DIAPH2: variants seen among roughly 807,000 people sequenced by gnomAD.
DIAPH2 encodes the protein diaphanous related formin 2.
A neutral mutation model predicts 92.7 loss-of-function variants in DIAPH2; 35 were observed. The observed-to-expected ratio is 0.38, with a 90% CI of 0.29 to 0.50. The LOEUF (loss-of-function observed/expected upper bound fraction) is 0.50, where lower values mean the gene tolerates loss of function less well. Ranked by LOEUF, DIAPH2 falls within the 20% of genes least tolerant of loss-of-function variation. The pLI is 0.94. For missense variants in DIAPH2, 701 were observed against 819.5 expected, an observed-to-expected ratio of 0.86 and a Z score of 1.77; for synonymous variants, 301 against 280.4, an observed-to-expected ratio of 1.07 and a Z score of -0.73.
intron 17 of DIAPH2, among the ~76,000 whole-genome samples, chrX:97,047,486 A>T (rs2066491671): frequency 9.8e-6 from 1 of 101,806 alleles, no homozygotes; most frequent in Non-Finnish European, 1.9e-5. Flanking sequence ...TATAATTATA[A>T]TCTGTGTTAA....
intron 16 of DIAPH2, among the ~76,000 whole-genome samples, chrX:96,963,683 C>T (rs142390923): frequency 2.8e-3 from 311 of 111,106 alleles, no homozygotes; most frequent in Middle Eastern, 0.018. Context: ...CCTGGATTCC[C>T]GCTCCTTCCG....
At chrX:97,278,843 G>C (rs2068473097) in intron 23 of DIAPH2, among the ~76,000 whole-genome samples, 1 of 112,194 alleles carries the variant, frequency 8.9e-6, no homozygotes, top group Non-Finnish European at 1.9e-5. Context: ...TGCACCACTG[G>C]TTCTTCCAAC....
intron 25 of DIAPH2, among the ~76,000 whole-genome samples, chrX:97,395,618 AT>A (rs983314152): frequency 6.5e-5 from 7 of 107,788 alleles, no homozygotes; most frequent in Admixed American, 1.0e-4. Context: ...ATCACTAGTA[AT>A]TTTTTTTTTC....
chrX:97,538,351 A>G (rs897927595), intron 26 of DIAPH2, among the ~76,000 whole-genome samples: 1 of 111,741 alleles, frequency 8.9e-6, no homozygotes, highest in African/African-American at 3.2e-5. Flanking sequence ...TTTTATTTCT[A>G]TCATTTCTAT....
At chrX:96,917,648 CTATA>C (rs2147783939) in intron 8 of DIAPH2, among the ~76,000 whole-genome samples, 1 of 110,931 alleles carries the variant, frequency 9.0e-6, no homozygotes, top group Non-Finnish European at 1.9e-5. Flanking sequence ...GAGTAGTATA[CTATA>C]TAGAGATTAA....
At chrX:96,981,079 G>C (rs955137412) in intron 17 of DIAPH2, among the ~76,000 whole-genome samples, 3 of 109,179 alleles carry the variant, frequency 2.7e-5, no homozygotes, top group Non-Finnish European at 5.7e-5. Context: ...AGACTGAGGT[G>C]GAAAAATCAC....
At chrX:96,968,003 C>T (rs1239473150) in intron 17 of DIAPH2, among the ~76,000 whole-genome samples, 1 of 110,287 alleles carries the variant, frequency 9.1e-6, no homozygotes, top group African/African-American at 3.3e-5. Flanking sequence ...AACTAATTTA[C>T]ATTCTTACCA....
chrX:97,016,187 C>T lies in DIAPH2; in HGVS notation c.2050+50980C>T, dbSNP rs190790480. Among the ~76,000 whole-genome samples, 668 of 112,038 alleles carry T rather than the reference C, an allele frequency of 6.0e-3. 7 individuals carry two copies. Among genetic ancestry groups the T allele is most frequent in the African/African-American group, 0.02 (632 of 30,855 alleles). On this transcript the variant is annotated intron_variant, in intron 17 of 26. Transcript: ENST00000324765. ...GGCAGTTCACCAAGTGTGAGATCGA[C>T]ATTTAATGTTTTCATGAAATGCAAA... is the stretch of plus-strand genomic sequence containing the variant.
chrX:97,472,563 A>T (rs2147810496), intron 26 of DIAPH2, among the ~76,000 whole-genome samples: 1 of 112,396 alleles, frequency 8.9e-6, no homozygotes, highest in South Asian at 3.7e-4. Context: ...TTGCATTTGG[A>T]TTCCCTTTAT....
At chrX:97,570,089 TATATATATATATATA>T in intron 26 of DIAPH2, among the ~76,000 whole-genome samples, 1 of 28,101 alleles carries the variant, frequency 3.6e-5, no homozygotes, top group Non-Finnish European at 6.7e-5. Context: ...TATATATATA[TATATATATATATATA>T]TATATATATA....
At chrX:97,159,052 C>G (rs1251951505) in intron 22 of DIAPH2, among the ~76,000 whole-genome samples, 1 of 112,361 alleles carries the variant, frequency 8.9e-6, no homozygotes, top group Non-Finnish European at 1.9e-5. Flanking sequence ...ATGTACTGAG[C>G]TATTCACAGC....
At chrX:97,323,880 G>A (rs993556932) in intron 23 of DIAPH2, among the ~76,000 whole-genome samples, 1 of 98,024 alleles carries the variant, frequency 1.0e-5, no homozygotes, top group Non-Finnish European at 2.0e-5. Flanking sequence ...CCCAGCCTGG[G>A]CAACAGGAGC....
chrX:96,964,259 A>G (rs2065881575), intron 16 of DIAPH2, among the ~76,000 whole-genome samples: 1 of 112,161 alleles, frequency 8.9e-6, no homozygotes, highest in East Asian at 2.8e-4. Flanking sequence ...TCATAAGAGT[A>G]AACTTGGAGT....
At chrX:97,214,699 C>T (rs903433433) in intron 22 of DIAPH2, among the ~76,000 whole-genome samples, 3 of 108,001 alleles carry the variant, frequency 2.8e-5, no homozygotes, top group African/African-American at 1.0e-4. Context: ...GGCAGGGTTG[C>T]GCATGCCTGT....
At chrX:96,869,434 C>T (rs749505615) in intron 4 of DIAPH2, among the ~76,000 whole-genome samples, 123 of 110,113 alleles carry the variant, frequency 1.1e-3, no homozygotes, top group Middle Eastern at 4.7e-3. Context: ...TGGTGGCGCA[C>T]GCCTGGAGTC....
At position 97,322,991 on chromosome X, in the gene DIAPH2, C is replaced by T. The variant is rs762369872; in HGVS notation, c.2845-25125C>T. Among the ~76,000 whole-genome samples the T allele has an allele frequency of 5.1e-4, 53 of 103,893 alleles. No homozygotes were observed. In the Middle Eastern group the frequency reaches 0.025, roughly 49 times the overall value. The allele number at this position is 103,893 out of a possible 115,157, so 90.2% of individuals were successfully genotyped here. On this transcript the variant is annotated intron_variant, in intron 23 of 26. Transcript: ENST00000324765. ...CTCAATCTCGGCTCACTTCAACCTC[C>T]GCCTCCCAGGTTCAAATGATTCTCC...
intron 17 of DIAPH2, among the ~76,000 whole-genome samples, chrX:97,018,996 T>G (rs778421567): frequency 4.5e-5 from 5 of 111,926 alleles, no homozygotes; most frequent in Non-Finnish European, 9.4e-5. Context: ...ATTCTTTCAC[T>G]GAGCTTCTGC....
At chrX:97,089,459 C>G (rs2066806988) in intron 19 of DIAPH2, among the ~76,000 whole-genome samples, 1 of 111,653 alleles carries the variant, frequency 9.0e-6, no homozygotes, top group Non-Finnish European at 1.9e-5. Flanking sequence ...TAGAGTGGGA[C>G]TACATCTGAA....
At chrX:96,966,850 G>T (rs1374176951) in intron 17 of DIAPH2, among the ~76,000 whole-genome samples, 1 of 111,694 alleles carries the variant, frequency 9.0e-6, no homozygotes, top group East Asian at 2.8e-4. Context: ...ATTCTGATGA[G>T]TTTGTATCAG....
Sources: allele counts gnomAD v4.1 joint callset (sites outside exome capture counted in the v4.1 genomes callset), GRCh38; gene constraint gnomAD v4.1.1; transcripts MANE v1.5; gene names NCBI Gene and HGNC (gene_info 2026-07-23, HGNC 2026-07-21).